COL4A5: variants seen among roughly 807,000 people sequenced by gnomAD.
COL4A5 encodes collagen type IV alpha 5 chain, also known as collagen alpha-5(IV) chain.
A neutral mutation model predicts 130.2 loss-of-function variants in COL4A5; 26 were observed. That is an observed-to-expected ratio of 0.20 (90% CI 0.15 to 0.28). The LOEUF is 0.28. Among genes scored for constraint, COL4A5 ranks in the 10% least tolerant of loss-of-function variants. COL4A5 has a pLI of 1.00. For missense variants in COL4A5, 1,131 were observed against 1,344.3 expected, an observed-to-expected ratio of 0.84 and a Z score of 2.48; for synonymous variants, 496 against 439.6, an observed-to-expected ratio of 1.13 and a Z score of -1.60.
chrX:108,546,716 T>C (rs963991826), intron 2 of COL4A5, among the ~76,000 whole-genome samples: 14 of 111,894 alleles, frequency 1.3e-4, no homozygotes, highest in African/African-American at 4.6e-4. Context: ...TCCAACTTGG[T>C]TCCATTCTCC....
At chrX:108,611,840 C>T (rs1235751513) in intron 29 of COL4A5, among the ~76,000 whole-genome samples, 2 of 110,664 alleles carry the variant, frequency 1.8e-5, no homozygotes, top group African/African-American at 3.3e-5. Context: ...CAAGCAAAGA[C>T]ATATGAGAAA....
At chrX:108,613,947 A>G (rs781572286) in intron 29 of COL4A5, among the ~76,000 whole-genome samples, 186 of 112,024 alleles carry the variant, frequency 1.7e-3, no homozygotes, top group Non-Finnish European at 3.0e-3. Flanking sequence ...AAAAATGTGA[A>G]GCTTCACATA....
intron 1 of COL4A5, among the ~76,000 whole-genome samples, chrX:108,527,347 G>C (rs934323453): frequency 2.7e-5 from 3 of 111,468 alleles, no homozygotes; most frequent in Non-Finnish European, 3.8e-5. Flanking sequence ...TTTCTAGGTT[G>C]TATATGTATC....
intron 36 of COL4A5, chrX:108,627,461 A>G: frequency 1.3e-6 from 1 of 748,520 alleles, no homozygotes; most frequent in Non-Finnish European, 1.6e-6. Context: ...GCTACTCTGT[A>G]CCTTGCTTTA....
In COL4A5 at chrX:108,695,277, C is replaced by G; in HGVS notation, c.4832C>G (p.Ala1611Gly). Residue 1611 changes from alanine (A) to glycine (G), a missense_variant, in exon 52 of 53, where the codon GCA becomes GGA. Coordinates refer to ENST00000328300, the MANE Select transcript of COL4A5 (RefSeq NM_033380.3). ...IGYSFMMHTS[A>G]GAEGSGQALA... Reference sequence around the variant, plus strand: ...CCTTGTCTTTTATAGCATACAAGTGCAGGGGCAGAAGGCTCAGGTCAAGCC... The same window carrying G: ...CCTTGTCTTTTATAGCATACAAGTGGAGGGGCAGAAGGCTCAGGTCAAGCC... The G allele has an allele frequency of 8.3e-7, 1 of 1,211,055 alleles. No homozygotes were observed. The highest frequency in any genetic ancestry group is 1.1e-6 in the Non-Finnish European group (1 of 895,313).
At chrX:108,631,644 G>A (rs2067262822) in intron 36 of COL4A5, among the ~76,000 whole-genome samples, 1 of 111,448 alleles carries the variant, frequency 9.0e-6, no homozygotes, top group Non-Finnish European at 1.9e-5. Flanking sequence ...TCACACCACA[G>A]TGCAATCAAA....
At chrX:108,473,196 T>G (rs751422540) in intron 1 of COL4A5, among the ~76,000 whole-genome samples, 2 of 112,014 alleles carry the variant, frequency 1.8e-5, no homozygotes, top group South Asian at 7.4e-4. Context: ...TGTAATATAA[T>G]AAGTCACTAT....
intron 36 of COL4A5, chrX:108,627,736 C>T: frequency 3.0e-5 from 6 of 203,170 alleles, no homozygotes; most frequent in Non-Finnish European, 4.4e-5. Context: ...TTGCAAACCC[C>T]AAATCCCCAG....
rs752618151 is a variant in COL4A5, at chrX:108,625,834, T to C, written c.3106+40T>C. ...TCTTCCAAATATTTAGTCCCATTAATGAAAGGTGGTTCAATATCTCTTTTT... is the reference window on the plus strand; with the variant it reads ...TCTTCCAAATATTTAGTCCCATTAACGAAAGGTGGTTCAATATCTCTTTTT... On this transcript the variant is annotated intron_variant, in intron 35 of 52. Coordinates refer to ENST00000328300, the MANE Select transcript of COL4A5 (RefSeq NM_033380.3). 4.1e-6 allele frequency: 4 copies of C among 984,108 alleles called. No individual in the cohort carries two copies. The African/African-American group carries it at 7.5e-5, about 19-fold the overall frequency. The allele number at this position is 984,108 out of a possible 1,213,427, so 81.1% of individuals were successfully genotyped here.
chrX:108,567,843 G>C (rs2147744199), intron 4 of COL4A5, among the ~76,000 whole-genome samples: 1 of 111,499 alleles, frequency 9.0e-6, no homozygotes, highest in East Asian at 2.8e-4. Context: ...CTCCCACCGG[G>C]TCCCTCCCAC....
Position 108,580,961 on chromosome X carries a change from A to G in COL4A5, c.892-22A>G, listed in dbSNP as rs372018221. ...ACTAACAAATGTATGTTGTTGCCCT[A>G]TCATTTCTTTGTATCCTATAGGGTA... On this transcript the variant is annotated intron_variant, in intron 15 of 52. Coordinates refer to ENST00000328300, the MANE Select transcript of COL4A5 (RefSeq NM_033380.3). 6.4e-5 allele frequency: 77 copies of G among 1,195,354 alleles called. No homozygotes were observed. In the African/African-American group the frequency reaches 7.7e-4, roughly 12 times the overall value.
At chrX:108,525,206 G>T (rs1488737188) in intron 1 of COL4A5, among the ~76,000 whole-genome samples, 1 of 111,549 alleles carries the variant, frequency 9.0e-6, no homozygotes, top group East Asian at 2.8e-4. Context: ...AATTGACATG[G>T]CATCCTGTAG....
At chrX:108,516,335 C>G (rs2065220728) in intron 1 of COL4A5, among the ~76,000 whole-genome samples, 1 of 111,996 alleles carries the variant, frequency 8.9e-6, no homozygotes, top group Admixed American at 9.4e-5. Flanking sequence ...ATGCTCAGCA[C>G]AACTCTGAAG....
At chrX:108,621,092 TTTCTTTCTTTCCTTTTC>T (rs1256972448) in intron 31 of COL4A5, among the ~76,000 whole-genome samples, 1 of 107,891 alleles carries the variant, frequency 9.3e-6, no homozygotes, top group African/African-American at 3.4e-5. Context: ...CTCTTCTCTC[TTTCTTTCTTTCCTTTTC>T]TTCTTTCTTT....
chrX:108,520,076 TA>T (rs1178484198), intron 1 of COL4A5, among the ~76,000 whole-genome samples: 5 of 111,703 alleles, frequency 4.5e-5, no homozygotes, highest in African/African-American at 1.6e-4. Flanking sequence ...ACATTTTATT[TA>T]ATATTTTTGC....
intron 36 of COL4A5, chrX:108,627,705 A>G (rs2067179190): frequency 2.6e-6 from 1 of 382,691 alleles, no homozygotes; most frequent in African/African-American, 2.8e-5. Context: ...ATGTAAAATA[A>G]AAAGTCTCCT....
chrX:108,687,448 T>G (rs753566573), intron 48 of COL4A5, 34 bp from the exon 49 acceptor site: 1 of 1,140,303 alleles, frequency 8.8e-7, no homozygotes. Context: ...CAGAGCTTAC[T>G]TAATCTTGTA....
intron 37 of COL4A5, among the ~76,000 whole-genome samples, chrX:108,662,498 A>G (rs755028037): frequency 3.5e-4 from 39 of 111,769 alleles, no homozygotes; most frequent in African/African-American, 1.2e-3. Flanking sequence ...TAAAGCTGGT[A>G]AGCAACTTCA....
chrX:108,614,164 T>C (rs1476527666), intron 29 of COL4A5, among the ~76,000 whole-genome samples: 1 of 112,077 alleles, frequency 8.9e-6, no homozygotes, highest in Admixed American at 9.5e-5. Context: ...AGAAGACATA[T>C]TCAAAAGGCT....
Sources: allele counts gnomAD v4.1 joint callset (sites outside exome capture counted in the v4.1 genomes callset), GRCh38; gene constraint gnomAD v4.1.1; transcripts MANE v1.5; gene names NCBI Gene and HGNC (gene_info 2026-07-23, HGNC 2026-07-21).